ERBB4: variants seen among roughly 807,000 people sequenced by gnomAD.
ERBB4 encodes the protein receptor tyrosine-protein kinase erbB-4.
In ERBB4, 42 loss-of-function variants were observed where a neutral mutation model predicts 158.0. That is an observed-to-expected ratio of 0.27 (90% CI 0.21 to 0.34). The LOEUF (loss-of-function observed/expected upper bound fraction) is 0.34, where lower values mean the gene tolerates loss of function less well. Ranked by LOEUF, ERBB4 falls within the 10% of genes least tolerant of loss-of-function variation. ERBB4 has a pLI of 1.00. For missense variants in ERBB4, 1,333 were observed against 1,624.1 expected, an observed-to-expected ratio of 0.82 and a Z score of 3.08; for synonymous variants, 583 against 558.7, an observed-to-expected ratio of 1.04 and a Z score of -0.61.
chr2:211,437,738 A>C (rs138243611), intron 20 of ERBB4, among the ~76,000 whole-genome samples: 1 of 143,556 alleles, frequency 7.0e-6, no homozygotes, highest in East Asian at 2.0e-4. Flanking sequence ...CTCTAGAGTT[A>C]GCAAGAGAGC....
chr2:211,435,566 C>T (rs1054399319), intron 20 of ERBB4, among the ~76,000 whole-genome samples: 25 of 152,126 alleles, frequency 1.6e-4, no homozygotes, highest in African/African-American at 4.8e-4. Flanking sequence ...GAGTGGCAGG[C>T]GAGCCAGCAT....
chr2:211,505,770 C>T (rs947383044), intron 20 of ERBB4, among the ~76,000 whole-genome samples: 5 of 151,964 alleles, frequency 3.3e-5, no homozygotes, highest in African/African-American at 1.2e-4. Flanking sequence ...ACCATCCTGG[C>T]TAACACGGTG....
chr2:211,830,977 A>C (rs1194169044), intron 3 of ERBB4, among the ~76,000 whole-genome samples: 1 of 152,122 alleles, frequency 6.6e-6, no homozygotes, highest in Non-Finnish European at 1.5e-5. Context: ...ATGAAAATAG[A>C]GTGGAACACA....
chr2:211,743,745 T>C (rs145723202), intron 5 of ERBB4, among the ~76,000 whole-genome samples: 46 of 152,284 alleles, frequency 3.0e-4, no homozygotes, highest in African/African-American at 1.1e-3. Context: ...ACTACATTAA[T>C]CCACTAAATC....
At chr2:211,775,207 T>A (rs576757492) in intron 4 of ERBB4, among the ~76,000 whole-genome samples, 8 of 152,186 alleles carry the variant, frequency 5.3e-5, no homozygotes, top group Non-Finnish European at 1.2e-4. Context: ...TCACTGCTAG[T>A]CATGAATCTT....
At chr2:212,123,782 T>A (rs916892223) in intron 2 of ERBB4, among the ~76,000 whole-genome samples, 1 of 152,218 alleles carries the variant, frequency 6.6e-6, no homozygotes, top group Non-Finnish European at 1.5e-5. Flanking sequence ...TATCTAAGTA[T>A]AGAATTATTA....
At chr2:211,870,123 T>C (rs2078307391) in intron 3 of ERBB4, among the ~76,000 whole-genome samples, 1 of 152,174 alleles carries the variant, frequency 6.6e-6, no homozygotes, top group Non-Finnish European at 1.5e-5. Flanking sequence ...ACAACTCTAA[T>C]AGGTTTTGTA....
chr2:212,024,517 G>A (rs2076729830), intron 2 of ERBB4, among the ~76,000 whole-genome samples: 1 of 151,950 alleles, frequency 6.6e-6, no homozygotes, highest in Non-Finnish European at 1.5e-5. Context: ...TTGTTCCTTA[G>A]ATCTCCATAC....
intron 1 of ERBB4, among the ~76,000 whole-genome samples, 148 bp downstream of exon 1, chr2:212,538,296 TGGAAA>T: frequency 6.6e-6 from 1 of 152,022 alleles, no homozygotes; most frequent in East Asian, 1.9e-4. Flanking sequence ...AAGTTTCAAA[TGGAAA>T]GAGGGGTGAC....
intron 1 of ERBB4, among the ~76,000 whole-genome samples, chr2:212,227,589 T>G (rs1427468767): frequency 6.6e-6 from 1 of 152,156 alleles, no homozygotes. Context: ...TACTCCTTTT[T>G]TCTCCTCTTA....
chr2:212,077,027 T>C (rs982899850), intron 2 of ERBB4, among the ~76,000 whole-genome samples: 4 of 152,010 alleles, frequency 2.6e-5, no homozygotes, highest in Non-Finnish European at 5.9e-5. Context: ...TAAACAATTA[T>C]TAAATGTATA....
At chr2:212,411,058 A>G (rs2091483345) in intron 1 of ERBB4, among the ~76,000 whole-genome samples, 1 of 152,188 alleles carries the variant, frequency 6.6e-6, no homozygotes, top group African/African-American at 2.4e-5. Context: ...ATTAATTTTA[A>G]GTAAAATGGC....
chr2:211,567,999 T>C (rs1430483091), intron 19 of ERBB4, among the ~76,000 whole-genome samples: 1 of 152,080 alleles, frequency 6.6e-6, no homozygotes, highest in Non-Finnish European at 1.5e-5. Context: ...GTGGGACCTA[T>C]GGAGGCAATT....
chr2:211,415,301 A>G (rs1292946812), intron 25 of ERBB4, among the ~76,000 whole-genome samples: 3 of 151,480 alleles, frequency 2.0e-5, no homozygotes, highest in Non-Finnish European at 2.9e-5. Context: ...TATTTTTTTT[A>G]GTAGAGGCGG....
intron 9 of ERBB4, among the ~76,000 whole-genome samples, chr2:211,707,184 G>T (rs1262267669): frequency 2.0e-5 from 3 of 152,156 alleles, no homozygotes; most frequent in African/African-American, 2.4e-5. Context: ...TGCCAGGAAT[G>T]AAATGAATTC....
intron 1 of ERBB4, among the ~76,000 whole-genome samples, chr2:212,529,639 TA>T (rs984543835): frequency 6.6e-6 from 1 of 152,110 alleles, no homozygotes; most frequent in African/African-American, 2.4e-5. Context: ...TTCATTCATG[TA>T]AAAAAAATTT....
intron 2 of ERBB4, among the ~76,000 whole-genome samples, chr2:212,057,999 GT>G (rs201078526): frequency 0.053 from 8,005 of 152,152 alleles, 259 homozygotes; most frequent in South Asian, 0.1. Flanking sequence ...GGAGCTGGTT[GT>G]TTTTGGAAAA....
At chr2:212,068,720 G>A (rs75695719) in intron 2 of ERBB4, among the ~76,000 whole-genome samples, 2,494 of 152,092 alleles carry the variant, frequency 0.016, 77 homozygotes, top group African/African-American at 0.057. Flanking sequence ...CTCTGTCTGC[G>A]AAGCAAATCA....
chr2:211,764,585 C>G (rs1452326608), intron 4 of ERBB4, among the ~76,000 whole-genome samples: 1 of 152,032 alleles, frequency 6.6e-6, no homozygotes, highest in Non-Finnish European at 1.5e-5. Context: ...GAAGCTGAGG[C>G]CAGAGAAATT....
Sources: gnomAD v4.1 joint callset for allele counts (sites outside exome capture counted in the v4.1 genomes callset) on GRCh38, gnomAD v4.1.1 for gene constraint, MANE v1.5 for transcripts, NCBI Gene and HGNC (gene_info 2026-07-23, HGNC 2026-07-21) for gene names.